The following BBS1 variants were observed in gnomAD, a reference collection of about 807,000 sequenced individuals.
The protein encoded by BBS1 is BBSome complex member BBS1.
Under a neutral mutation model 73.9 loss-of-function variants are expected in BBS1, and 60 were observed. The ratio of observed to expected loss-of-function variants is 0.81; its 90% CI spans 0.66 to 1.01. The LOEUF (loss-of-function observed/expected upper bound fraction) is 1.01. Ranked by LOEUF, BBS1 falls within the 50% of genes least tolerant of loss-of-function variation. The probability of loss-of-function intolerance (pLI) is 0.00; values close to 1 mark genes in which losing one functional copy is unlikely to be tolerated. For missense variants in BBS1, 718 were observed against 770.3 expected, an observed-to-expected ratio of 0.93 and a Z score of 0.80; for synonymous variants, 283 against 317.4, an observed-to-expected ratio of 0.89 and a Z score of 1.15.
At position 66,531,689 on chromosome 11, in the gene BBS1, C is replaced by CT. The variant is rs773632109; in HGVS notation, c.1643dup (p.Glu549GlyfsTer9). 7.4e-6 allele frequency: 12 copies of CT among 1,614,150 alleles called. No individual in the cohort carries two copies. The highest frequency in any genetic ancestry group is 1.0e-5 in the Non-Finnish European group (12 of 1,179,996). ...GCTGGTGCCAGGGCTCAACTACCCC[C>CT]TGGAGACCTTTGTGGAGAGTCTCAG... On this transcript the variant is annotated frameshift_variant, in exon 16 of 17. Transcript: ENST00000318312. LOFTEE classifies it high-confidence loss of function.
chr11:66,531,603 GC>G lies in BBS1; in HGVS notation c.1609-51del, dbSNP rs1772609259. The G allele has an allele frequency of 2.5e-6, 4 of 1,612,624 alleles. No homozygotes were observed. The African/African-American group carries it at 5.3e-5, about 22-fold the overall frequency. ...TGCGGGCCTGAATGCACTGGAATAT[GC>G]CAAACACTGGCACGAGGGCTGGTTT... On this transcript the variant is annotated intron_variant, in intron 15 of 16. Transcript: ENST00000318312.
rs1293446597 is a variant in BBS1, at chr11:66,523,441, T to G, written c.831-15T>G. ...GATTTCTCTGGGGCCAGACAGTGTG[T>G]TGTTTATTCCACAGAGACTCCAAGC... is the stretch of plus-strand genomic sequence containing the variant. On this transcript the variant is annotated splice_polypyrimidine_tract_variant and intron_variant, in intron 9 of 16. Coordinates refer to ENST00000318312, the MANE Select transcript of BBS1 (RefSeq NM_024649.5). 2 of 1,614,028 alleles carry G rather than the reference T, an allele frequency of 1.2e-6. No individual in the cohort carries two copies. The highest frequency in any genetic ancestry group is 1.7e-5 in the Admixed American group (1 of 59,998).
chr11:66,522,781 G>A (rs908808800), intron 9 of BBS1: 1 of 254,904 alleles, frequency 3.9e-6, no homozygotes, highest in Non-Finnish European at 7.7e-6. Flanking sequence ...ATGTATTAAA[G>A]TGAAGAAACC....
At chr11:66,524,601 G>C (rs1046420119) in intron 11 of BBS1, among the ~76,000 whole-genome samples, 3 of 152,186 alleles carry the variant, frequency 2.0e-5, no homozygotes, top group Non-Finnish European at 4.4e-5. Context: ...ATTCTGCACA[G>C]AGAATAGCAT....
intron 1 of BBS1, 123 bp downstream of exon 1, chr11:66,510,829 G>A: frequency 6.8e-7 from 1 of 1,463,072 alleles, no homozygotes; most frequent in East Asian, 2.3e-5. Context: ...GTCAGATAGG[G>A]AAACCGAGGC....
chr11:66,516,397 A>C (rs1238432644), intron 7 of BBS1, among the ~76,000 whole-genome samples: 1 of 152,144 alleles, frequency 6.6e-6, no homozygotes, highest in African/African-American at 2.4e-5. Context: ...AAGTGCTCAG[A>C]TTACAGGTGT....
At chr11:66,522,907 A>T (rs1042835087) in intron 9 of BBS1, 1 of 348,306 alleles carries the variant, frequency 2.9e-6, no homozygotes, top group Non-Finnish European at 5.6e-6. Context: ...TTGAAAGTTA[A>T]AAAGGAACCA....
At position 66,531,998 on chromosome 11, in the gene BBS1, C is replaced by A. The variant is rs61890368; in HGVS notation, c.1743C>A (p.His581Gln). ...EGQSAPLLSA[H>Q]VNMPGSEGLA... ...AAAGTGCACCCCTGCTGAGTGCCCA[C>A]GTCAACATGCCTGGGAGCGAGGGGC... The change falls in exon 17 of 17, where the codon CAC becomes CAA. Residue 581 changes from histidine (H) to glutamine (Q), a missense_variant. Transcript: ENST00000318312. 6.2e-6 allele frequency: 10 copies of A among 1,608,078 alleles called. No individual in the cohort carries two copies. The highest frequency in any genetic ancestry group is 6.8e-6 in the Non-Finnish European group (8 of 1,177,866).
chr11:66,518,261 C>G (rs1175437266), intron 7 of BBS1, among the ~76,000 whole-genome samples: 1 of 150,150 alleles, frequency 6.7e-6, no homozygotes, highest in Non-Finnish European at 1.5e-5. Context: ...CCGGCCTTTT[C>G]TTTTATTTAT....
chr11:66,515,971 A>G (rs763144601), intron 7 of BBS1, 38 bp downstream of exon 7: 13 of 1,609,820 alleles, frequency 8.1e-6, no homozygotes, highest in African/African-American at 1.3e-5. Context: ...CTGTAAAAAA[A>G]TTTACATTTT....
At chr11:66,528,775 C>T (rs1856625184) in intron 13 of BBS1, among the ~76,000 whole-genome samples, 1 of 151,978 alleles carries the variant, frequency 6.6e-6, no homozygotes, top group African/African-American at 2.4e-5. Context: ...TCGAGACCAG[C>T]CTGACCAACA....
At chr11:66,522,521 T>A (rs943705631) in intron 9 of BBS1, among the ~76,000 whole-genome samples, 1 of 151,894 alleles carries the variant, frequency 6.6e-6, no homozygotes, top group African/African-American at 2.4e-5. Flanking sequence ...CTAATTTTTG[T>A]ATTTTTAGTA....
chr11:66,512,770 G>C (rs1422668799), intron 3 of BBS1, among the ~76,000 whole-genome samples: 1 of 152,022 alleles, frequency 6.6e-6, no homozygotes, highest in Non-Finnish European at 1.5e-5. Flanking sequence ...TCAGGAGTTT[G>C]AGACCAGCCT....
intron 7 of BBS1, among the ~76,000 whole-genome samples, chr11:66,518,629 CT>C (rs1196740585): frequency 6.6e-6 from 1 of 151,876 alleles, no homozygotes; most frequent in Non-Finnish European, 1.5e-5. Flanking sequence ...CCATGCCTGG[CT>C]AATTTTCATA....
At chr11:66,528,658 G>C (rs1247791557) in intron 13 of BBS1, among the ~76,000 whole-genome samples, 1 of 152,118 alleles carries the variant, frequency 6.6e-6, no homozygotes, top group African/African-American at 2.4e-5. Context: ...AGGACAACTT[G>C]CTTCTAGAAA....
At chr11:66,527,257 T>C (rs1237766913) in intron 13 of BBS1, among the ~76,000 whole-genome samples, 2 of 151,816 alleles carry the variant, frequency 1.3e-5, no homozygotes, top group Non-Finnish European at 2.9e-5. Context: ...ATTTGACCAG[T>C]GTCATCTTGT....
At position 66,532,682 on chromosome 11, in the gene BBS1, A is replaced by AGG. The variant is rs1184188437; in HGVS notation, c.*649_*650dup. The AGG allele has an allele frequency of 6.5e-6, 1 of 153,068 alleles. No individual in the cohort carries two copies. The highest frequency in any genetic ancestry group is 1.5e-5 in the Non-Finnish European group (1 of 68,704). 9.5% of individuals were successfully genotyped at this position (153,068 alleles called of 1,614,324 possible). A position where few individuals can be genotyped will look rare whatever the true frequency, so the allele number is the denominator to read the frequency against. ...GCCACACAAAGGTTGTTCAGGGAGA[A>AGG]GGGGGTGCAGGAGGCAGAGGGTGCC... On this transcript the variant is annotated 3_prime_UTR_variant, in exon 17 of 17. Coordinates refer to ENST00000318312, the MANE Select transcript of BBS1 (RefSeq NM_024649.5).
intron 13 of BBS1, chr11:66,529,095 C>T (rs1331002235): frequency 1.0e-6 from 1 of 982,080 alleles, no homozygotes; most frequent in Non-Finnish European, 1.2e-6. Flanking sequence ...AAATGTGAAA[C>T]TCTTGAATGG....
At chr11:66,512,320 T>A (rs1855971444) in intron 3 of BBS1, among the ~76,000 whole-genome samples, 1 of 152,098 alleles carries the variant, frequency 6.6e-6, no homozygotes, top group South Asian at 2.1e-4. Context: ...CCAAGTTTTG[T>A]GCTTTTTCTA....
Sources: allele counts gnomAD v4.1 joint callset (sites outside exome capture counted in the v4.1 genomes callset), GRCh38; gene constraint gnomAD v4.1.1; transcripts MANE v1.5; gene names NCBI Gene and HGNC (gene_info 2026-07-23, HGNC 2026-07-21).